DLG2: variants seen among roughly 807,000 people sequenced by gnomAD.
The protein encoded by DLG2 is disks large homolog 2.
DLG2 carries 45 observed loss-of-function variants against 132.5 expected under a neutral mutation model. The ratio of observed to expected loss-of-function variants is 0.34; its 90% CI spans 0.27 to 0.44. The LOEUF (loss-of-function observed/expected upper bound fraction) is 0.44, where lower values mean the gene tolerates loss of function less well. Among genes scored for constraint, DLG2 ranks in the 20% least tolerant of loss-of-function variants. The probability of loss-of-function intolerance (pLI) is 1.00; values close to 1 mark genes in which losing one functional copy is unlikely to be tolerated. For missense variants in DLG2, 1,045 were observed against 1,196.9 expected (o/e 0.87, Z 1.87); for synonymous variants, 424 against 419.6 (o/e 1.01, Z -0.13).
At chr11:85,262,683 A>C (rs747868717) in intron 4 of DLG2, among the ~76,000 whole-genome samples, 1 of 152,208 alleles carries the variant, frequency 6.6e-6, no homozygotes, top group Non-Finnish European at 1.5e-5. Flanking sequence ...GCACACTTAC[A>C]CATAGACATA....
chr11:84,201,716 T>A (rs79092869), intron 8 of DLG2, among the ~76,000 whole-genome samples: 6,383 of 151,868 alleles, frequency 0.042, 399 homozygotes, highest in African/African-American at 0.14. Context: ...ATCAATTTTT[T>A]CTAGATTTTC....
At chr11:85,286,936 G>T (rs2152763020) in intron 3 of DLG2, among the ~76,000 whole-genome samples, 1 of 152,106 alleles carries the variant, frequency 6.6e-6, no homozygotes, top group South Asian at 2.1e-4. Context: ...GAATATCAAA[G>T]AAACACAAGA....
intron 6 of DLG2, among the ~76,000 whole-genome samples, chr11:84,574,489 T>G (rs1316736853): frequency 2.0e-5 from 3 of 152,188 alleles, no homozygotes; most frequent in African/African-American, 7.2e-5. Flanking sequence ...CTATTTGGGA[T>G]CTTGATATCA....
intron 6 of DLG2, among the ~76,000 whole-genome samples, chr11:85,066,399 T>G (rs1177145802): frequency 6.6e-6 from 1 of 151,656 alleles, no homozygotes; most frequent in Non-Finnish European, 1.5e-5. Context: ...GCTATTGAAA[T>G]TGTTCCAAAA....
chr11:85,608,346 T>TTCTC (rs371657114), intron 2 of DLG2, among the ~76,000 whole-genome samples: 1 of 150,862 alleles, frequency 6.6e-6, no homozygotes, highest in Non-Finnish European at 1.5e-5. Flanking sequence ...GGCCCCATTA[T>TTCTC]TCTCTCTCTC....
chr11:83,583,955 C>G (rs780920062), intron 19 of DLG2, among the ~76,000 whole-genome samples: 1 of 152,134 alleles, frequency 6.6e-6, no homozygotes, highest in Non-Finnish European at 1.5e-5. Context: ...TCCATTGAAT[C>G]ATGAAAAAGA....
At chr11:85,083,529 G>C (rs910256084) in intron 6 of DLG2, among the ~76,000 whole-genome samples, 1 of 152,160 alleles carries the variant, frequency 6.6e-6, no homozygotes, top group African/African-American at 2.4e-5. Context: ...CTCCAGCTTG[G>C]TTTTATATGT....
At chr11:84,854,739 G>A (rs1306707686) in intron 6 of DLG2, among the ~76,000 whole-genome samples, 3 of 151,898 alleles carry the variant, frequency 2.0e-5, no homozygotes, top group African/African-American at 4.8e-5. Flanking sequence ...CATTATCGAG[G>A]CAAGTTCAAA....
intron 19 of DLG2, among the ~76,000 whole-genome samples, chr11:83,561,207 C>A (rs1404098763): frequency 6.6e-6 from 1 of 152,226 alleles, no homozygotes; most frequent in East Asian, 1.9e-4. Context: ...GCCCCACCTC[C>A]AACATTGGGG....
intron 10 of DLG2, among the ~76,000 whole-genome samples, chr11:84,086,546 G>C (rs1420083471): frequency 1.4e-5 from 2 of 142,438 alleles, no homozygotes; most frequent in African/African-American, 5.3e-5. Flanking sequence ...CTGGAGTGTA[G>C]TAGTGCAATC....
intron 6 of DLG2, among the ~76,000 whole-genome samples, chr11:84,642,338 T>G (rs189633686): frequency 6.6e-6 from 1 of 151,930 alleles, no homozygotes; most frequent in African/African-American, 2.4e-5. Flanking sequence ...GCTTTGTATA[T>G]ACAAAGCTTT....
At chr11:84,156,590 T>C (rs1405750305) in intron 9 of DLG2, among the ~76,000 whole-genome samples, 1 of 152,230 alleles carries the variant, frequency 6.6e-6, no homozygotes, top group Non-Finnish European at 1.5e-5. Context: ...GTCTGACAAG[T>C]TAGGGATTCT....
intron 7 of DLG2, among the ~76,000 whole-genome samples, chr11:84,350,701 A>T (rs1350853154): frequency 6.6e-6 from 1 of 152,212 alleles, no homozygotes; most frequent in African/African-American, 2.4e-5. Context: ...GGTGATTCCT[A>T]ATGAATATGG....
intron 19 of DLG2, among the ~76,000 whole-genome samples, chr11:83,601,890 G>A (rs2153377706): frequency 6.6e-6 from 1 of 152,170 alleles, no homozygotes; most frequent in East Asian, 1.9e-4. Context: ...GGTTCTCCAA[G>A]TTCTTAGTGT....
chr11:84,161,673 G>T (rs2095548888), intron 9 of DLG2, among the ~76,000 whole-genome samples: 1 of 152,136 alleles, frequency 6.6e-6, no homozygotes, highest in Non-Finnish European at 1.5e-5. Context: ...TTCTATTCAA[G>T]ATGGTGATGT....
chr11:85,078,838 A>G (rs542689694), intron 6 of DLG2, among the ~76,000 whole-genome samples: 6 of 152,124 alleles, frequency 3.9e-5, no homozygotes, highest in South Asian at 4.1e-4. Context: ...TTGTCATAGT[A>G]GTAGAAACAA....
intron 9 of DLG2, among the ~76,000 whole-genome samples, chr11:84,143,618 A>G (rs916800316): frequency 6.6e-6 from 1 of 152,310 alleles, no homozygotes; most frequent in East Asian, 1.9e-4. Context: ...AAATGGATAA[A>G]ATATAAGCTT....
At chr11:84,062,478 A>C (rs2096606537) in intron 10 of DLG2, among the ~76,000 whole-genome samples, 1 of 152,212 alleles carries the variant, frequency 6.6e-6, no homozygotes, top group Admixed American at 6.5e-5. Context: ...GATGTGCTCA[A>C]GTATTTGTTC....
At chr11:84,184,260 T>C (rs973478738) in intron 8 of DLG2, among the ~76,000 whole-genome samples, 2 of 151,838 alleles carry the variant, frequency 1.3e-5, no homozygotes, top group Non-Finnish European at 3.0e-5. Context: ...TTTTTAATGA[T>C]TGCCATTCTA....
Sources: gnomAD v4.1 joint callset for allele counts (sites outside exome capture counted in the v4.1 genomes callset) on GRCh38, gnomAD v4.1.1 for gene constraint, MANE v1.5 for transcripts, NCBI Gene and HGNC (gene_info 2026-07-23, HGNC 2026-07-21) for gene names.